The following TMEM156 variants were observed in gnomAD, a reference collection of about 807,000 sequenced individuals.
The protein encoded by TMEM156 is transmembrane protein 156.
TMEM156 carries 28 observed loss-of-function variants against 30.5 expected under a neutral mutation model. The observed-to-expected ratio is 0.92, with a 90% CI of 0.68 to 1.26. The LOEUF is 1.26. TMEM156 is among the 50% of genes most tolerant of loss of function. TMEM156 has a pLI of 0.00. For synonymous variants in TMEM156, 137 were observed against 119.9 expected, an observed-to-expected ratio of 1.14 and a Z score of -0.93; for missense variants, 351 against 340.6, an observed-to-expected ratio of 1.03 and a Z score of -0.24.
chr4:39,032,110 C>G (rs1715558919), intron 1 of TMEM156, 116 bp downstream of exon 1: 1 of 648,682 alleles, frequency 1.5e-6, no homozygotes, highest in South Asian at 1.9e-5. Context: ...TTTTTCAGAT[C>G]TAGAACTTCA....
At position 38,998,775 on chromosome 4, in the gene TMEM156, G is replaced by A. The variant is rs1300163878; in HGVS notation, c.223C>T (p.Leu75=). ...AAGTTACGAAAATTGGAGGGATTTA[G>A]AAAGATTCTCATGATAATCTGAGTT... ...RETQIIMRIF[L]NPSNFRNFTR... The change falls in exon 2 of 7, where the codon CTA becomes TTA. Residue 75 remains leucine (L), a synonymous_variant. Coordinates refer to ENST00000381938, the MANE Select transcript of TMEM156 (RefSeq NM_024943.3). 1 of 1,613,944 alleles carries A rather than the reference G, an allele frequency of 6.2e-7. No homozygotes were observed. The highest frequency in any genetic ancestry group is 1.7e-5 in the Admixed American group (1 of 59,998).
intron 1 of TMEM156, among the ~76,000 whole-genome samples, chr4:39,009,016 TTA>T (rs1399614126): frequency 1.3e-5 from 2 of 151,816 alleles, no homozygotes; most frequent in Non-Finnish European, 2.9e-5. Flanking sequence ...GCTACCTAGA[TTA>T]AAAAAGAAAA....
chr4:38,984,088 C>T (rs982703908), intron 5 of TMEM156, among the ~76,000 whole-genome samples: 2 of 152,176 alleles, frequency 1.3e-5, no homozygotes, highest in Admixed American at 6.5e-5. Flanking sequence ...AGCTGTCACG[C>T]TTCTCAAAGC....
At chr4:38,977,065 C>T (rs532254593) in intron 5 of TMEM156, among the ~76,000 whole-genome samples, 144 of 152,210 alleles carry the variant, frequency 9.5e-4, no homozygotes, top group South Asian at 2.5e-3. Flanking sequence ...ACCACCACAC[C>T]GGCTAATTTT....
intron 1 of TMEM156, among the ~76,000 whole-genome samples, chr4:38,999,383 G>A (rs920488876): frequency 6.6e-6 from 1 of 152,084 alleles, no homozygotes; most frequent in Admixed American, 6.5e-5. Context: ...GAGAAGAGGT[G>A]TCTTTATAAA....
intron 5 of TMEM156, among the ~76,000 whole-genome samples, chr4:38,984,580 G>A (rs1182710767): frequency 6.6e-6 from 1 of 151,806 alleles, no homozygotes; most frequent in Admixed American, 6.6e-5. Flanking sequence ...TCTCACTGCT[G>A]CCTATAATCC....
chr4:38,996,604 G>T (rs67966727), intron 2 of TMEM156, among the ~76,000 whole-genome samples: 1 of 151,802 alleles, frequency 6.6e-6, no homozygotes, highest in African/African-American at 2.4e-5. Context: ...AAACATAAGC[G>T]TTGGCAAAAA....
intron 1 of TMEM156, among the ~76,000 whole-genome samples, chr4:39,018,525 G>T (rs909399119): frequency 4.6e-5 from 7 of 151,820 alleles, no homozygotes; most frequent in Admixed American, 3.9e-4. Flanking sequence ...TTTCACTGAG[G>T]GTCTGATGAT....
chr4:38,997,058 G>A (rs939682104), intron 2 of TMEM156, among the ~76,000 whole-genome samples: 4 of 152,168 alleles, frequency 2.6e-5, no homozygotes, highest in Non-Finnish European at 4.4e-5. Context: ...AGTTTTGGGG[G>A]TACTTTATTA....
chr4:39,005,473 T>C (rs1713666944), intron 1 of TMEM156, among the ~76,000 whole-genome samples: 1 of 152,168 alleles, frequency 6.6e-6, no homozygotes, highest in South Asian at 2.1e-4. Context: ...GACTGTAAGT[T>C]TCCTGAGGCC....
At chr4:38,973,015 ATTC>A (rs1490952091) in intron 5 of TMEM156, among the ~76,000 whole-genome samples, 1 of 152,154 alleles carries the variant, frequency 6.6e-6, no homozygotes, top group Non-Finnish European at 1.5e-5. Context: ...CGTAGCATTG[ATTC>A]TTCTATTACT....
Position 39,031,268 on chromosome 4 carries a change from TG to T in TMEM156, c.88+957del, listed in dbSNP as rs1365267178. Among the ~76,000 whole-genome samples, 6 of 152,352 alleles carry T rather than the reference TG, an allele frequency of 3.9e-5. No individual in the cohort carries two copies. In the South Asian group the frequency reaches 1.0e-3, roughly 26 times the overall value. On this transcript the variant is annotated intron_variant, in intron 1 of 6. Transcript: ENST00000381938. ...CACATTAATAAATTTTCAAGTCCTT[TG>T]CTAACATCAAAATAGTTTAAATTTA... is the stretch of plus-strand genomic sequence containing the variant.
intron 6 of TMEM156, among the ~76,000 whole-genome samples, chr4:38,968,377 T>G (rs544170059): frequency 6.6e-6 from 1 of 152,318 alleles, no homozygotes; most frequent in East Asian, 1.9e-4. Context: ...AGTCTCTCTA[T>G]CGTGCTCCCC....
At chr4:39,007,627 T>C (rs1252417575) in intron 1 of TMEM156, among the ~76,000 whole-genome samples, 1 of 151,794 alleles carries the variant, frequency 6.6e-6, no homozygotes, top group Non-Finnish European at 1.5e-5. Context: ...GCTCATTTTT[T>C]TGGTATTTTT....
chr4:38,983,140 C>A (rs1356104939), intron 5 of TMEM156, among the ~76,000 whole-genome samples: 2 of 152,168 alleles, frequency 1.3e-5, no homozygotes. Flanking sequence ...TCCTGACATG[C>A]AACTTGGACT....
intron 1 of TMEM156, among the ~76,000 whole-genome samples, chr4:39,011,236 T>A (rs554766663): frequency 2.2e-4 from 33 of 152,350 alleles, no homozygotes; most frequent in Non-Finnish European, 3.7e-4. Context: ...GAATGACTAT[T>A]ATTTAAAAAA....
chr4:38,990,958 C>T (rs1197746668), intron 3 of TMEM156, among the ~76,000 whole-genome samples: 1 of 148,962 alleles, frequency 6.7e-6, no homozygotes, highest in African/African-American at 2.5e-5. Context: ...CTCAGCCTCC[C>T]GAGTAGCTGG....
intron 4 of TMEM156, among the ~76,000 whole-genome samples, chr4:38,987,633 C>A (rs1034782245): frequency 6.6e-6 from 1 of 152,218 alleles, no homozygotes; most frequent in African/African-American, 2.4e-5. Context: ...ACAACCACCA[C>A]AATACTACTG....
chr4:38,998,165 A>G (rs181165707), intron 2 of TMEM156, among the ~76,000 whole-genome samples: 5 of 152,304 alleles, frequency 3.3e-5, no homozygotes, highest in Admixed American at 3.3e-4. Flanking sequence ...GTCAAAGTAA[A>G]CCAAAACCGA....
Sources: gnomAD v4.1 joint callset for allele counts (sites outside exome capture counted in the v4.1 genomes callset) on GRCh38, gnomAD v4.1.1 for gene constraint, MANE v1.5 for transcripts, NCBI Gene and HGNC (gene_info 2026-07-23, HGNC 2026-07-21) for gene names.